The following DPP10 variants were observed in gnomAD, a reference collection of about 807,000 sequenced individuals.
DPP10 encodes the protein inactive dipeptidyl peptidase 10.
Under a neutral mutation model 120.9 loss-of-function variants are expected in DPP10, and 33 were observed. The ratio of observed to expected loss-of-function variants is 0.27; its 90% CI spans 0.21 to 0.37. The LOEUF (loss-of-function observed/expected upper bound fraction) is 0.37. Ranked by LOEUF, DPP10 falls within the 10% of genes least tolerant of loss-of-function variation. DPP10 has a pLI of 1.00. For missense variants in DPP10, 816 were observed against 942.8 expected (o/e 0.87, Z 1.76); for synonymous variants, 337 against 326.1 (o/e 1.03, Z -0.36).
chr2:114,867,001 T>C lies in DPP10; in HGVS notation c.60+424163T>C, dbSNP rs1034633721. Reference sequence around the variant, plus strand: ...CATTGGTTCTTGCCTTGACCTGACATATAGCCATCGTTCATTTCCAGGATG... The same window carrying C: ...CATTGGTTCTTGCCTTGACCTGACACATAGCCATCGTTCATTTCCAGGATG... On this transcript the variant is annotated intron_variant, in intron 1 of 25. Transcript: ENST00000410059. Among the ~76,000 whole-genome samples the C allele has an allele frequency of 5.9e-5, 9 of 152,338 alleles. No homozygotes were observed. In the East Asian group the frequency reaches 1.7e-3, roughly 29 times the overall value.
intron 21 of DPP10, among the ~76,000 whole-genome samples, chr2:115,829,179 A>G (rs1688672100): frequency 6.6e-6 from 1 of 152,038 alleles, no homozygotes. Flanking sequence ...TTTTCTCTTT[A>G]TTTATCTGAG....
chr2:115,129,773 TGA>T (rs1268564096), intron 1 of DPP10, among the ~76,000 whole-genome samples: 1 of 152,156 alleles, frequency 6.6e-6, no homozygotes, highest in Admixed American at 6.6e-5. Flanking sequence ...AGGCATCCCC[TGA>T]GAGTTTGATA....
chr2:115,156,285 T>C (rs1363063794), intron 1 of DPP10, among the ~76,000 whole-genome samples: 2 of 152,166 alleles, frequency 1.3e-5, no homozygotes, highest in Non-Finnish European at 2.9e-5. Context: ...CCTTTGGCAA[T>C]AGTGGAAGAA....
At chr2:115,543,800 G>A (rs2079325320) in intron 5 of DPP10, among the ~76,000 whole-genome samples, 1 of 151,982 alleles carries the variant, frequency 6.6e-6, no homozygotes, top group South Asian at 2.1e-4. Context: ...CAGTCAATGA[G>A]CGTTAACATT....
intron 1 of DPP10, among the ~76,000 whole-genome samples, chr2:114,818,998 G>C (rs978663654): frequency 2.0e-5 from 3 of 152,060 alleles, no homozygotes; most frequent in African/African-American, 7.2e-5. Flanking sequence ...AATTGACTTA[G>C]TGATACGTTA....
chr2:114,543,441 T>C (rs1224339210), intron 1 of DPP10, among the ~76,000 whole-genome samples: 2 of 152,252 alleles, frequency 1.3e-5, no homozygotes, highest in Non-Finnish European at 2.9e-5. Context: ...CACTTCTTTC[T>C]GAGTCTGTTC....
At chr2:114,705,413 T>TC (rs1450908529) in intron 1 of DPP10, among the ~76,000 whole-genome samples, 1 of 152,108 alleles carries the variant, frequency 6.6e-6, no homozygotes, top group Non-Finnish European at 1.5e-5. Flanking sequence ...AAGTATATAT[T>TC]CATAAGATGT....
chr2:115,334,646 T>C (rs1378456492), intron 2 of DPP10, among the ~76,000 whole-genome samples: 1 of 151,986 alleles, frequency 6.6e-6, no homozygotes, highest in Admixed American at 6.6e-5. Context: ...AATCTGAGAA[T>C]ACACGTAGAA....
chr2:115,719,697 A>G (rs1396292051), intron 7 of DPP10, among the ~76,000 whole-genome samples: 1 of 152,206 alleles, frequency 6.6e-6, no homozygotes, highest in African/African-American at 2.4e-5. Context: ...AATTTTGATA[A>G]AAGTCTTTAT....
chr2:115,522,820 G>T (rs994034503), intron 4 of DPP10, among the ~76,000 whole-genome samples: 1 of 151,998 alleles, frequency 6.6e-6, no homozygotes, highest in Admixed American at 6.6e-5. Flanking sequence ...TAGCATTATT[G>T]GCAATAATCA....
chr2:115,178,272 A>G (rs1257370906), intron 1 of DPP10, among the ~76,000 whole-genome samples: 1 of 152,152 alleles, frequency 6.6e-6, no homozygotes, highest in East Asian at 1.9e-4. Flanking sequence ...AACACCTGAG[A>G]CACTGTCTAC....
intron 3 of DPP10, among the ~76,000 whole-genome samples, chr2:115,471,534 C>A (rs1215249602): frequency 6.6e-6 from 1 of 152,034 alleles, no homozygotes; most frequent in Non-Finnish European, 1.5e-5. Flanking sequence ...TCTTGAAAAC[C>A]ACTTTCAGTT....
At chr2:115,653,294 G>C (rs1343250774) in intron 5 of DPP10, among the ~76,000 whole-genome samples, 1 of 151,930 alleles carries the variant, frequency 6.6e-6, no homozygotes, top group Non-Finnish European at 1.5e-5. Flanking sequence ...TTTAATACAA[G>C]TTAAAAAAGA....
chr2:115,451,629 C>T (rs956820528), intron 3 of DPP10, among the ~76,000 whole-genome samples: 25 of 151,804 alleles, frequency 1.6e-4, no homozygotes, highest in Admixed American at 6.6e-5. Flanking sequence ...AGACAGCTGC[C>T]TCTGTTGCTA....
At chr2:114,936,507 G>T (rs1287958639) in intron 1 of DPP10, among the ~76,000 whole-genome samples, 1 of 151,788 alleles carries the variant, frequency 6.6e-6, no homozygotes. Flanking sequence ...GGGCATTTGG[G>T]CTGGTTCCAC....
intron 3 of DPP10, among the ~76,000 whole-genome samples, chr2:115,437,402 A>T (rs2071592315): frequency 6.6e-6 from 1 of 152,032 alleles, no homozygotes; most frequent in South Asian, 2.1e-4. Flanking sequence ...ATCTCATCTC[A>T]TGCCATTCAA....
chr2:115,801,010 A>G (rs1180180031), intron 19 of DPP10, among the ~76,000 whole-genome samples: 4 of 152,298 alleles, frequency 2.6e-5, no homozygotes, highest in African/African-American at 9.6e-5. Flanking sequence ...CATTGAATCT[A>G]TAAATTACCT....
intron 1 of DPP10, among the ~76,000 whole-genome samples, chr2:115,206,487 T>C (rs1206348607): frequency 6.6e-6 from 1 of 152,186 alleles, no homozygotes; most frequent in East Asian, 1.9e-4. Context: ...ACATTTGATT[T>C]TGCTTAAAGC....
chr2:115,627,044 T>C (rs953927850), intron 5 of DPP10, among the ~76,000 whole-genome samples: 2 of 152,162 alleles, frequency 1.3e-5, no homozygotes, highest in African/African-American at 4.8e-5. Context: ...ATGCTCTGTA[T>C]AGGGAATTTA....
Sources: allele counts gnomAD v4.1 joint callset (sites outside exome capture counted in the v4.1 genomes callset), GRCh38; gene constraint gnomAD v4.1.1; transcripts MANE v1.5; gene names NCBI Gene and HGNC (gene_info 2026-07-23, HGNC 2026-07-21).